The following FCRL5 variants were observed in gnomAD, a reference collection of about 807,000 sequenced individuals.
The protein encoded by FCRL5 is Fc receptor-like protein 5.
FCRL5 carries 79 observed loss-of-function variants against 92.1 expected under a neutral mutation model. The ratio of observed to expected loss-of-function variants is 0.86; its 90% CI spans 0.72 to 1.03. The LOEUF is 1.03. FCRL5 is among the 50% of genes least tolerant of loss of function. The pLI, the probability that FCRL5 is intolerant of heterozygous loss-of-function variation, is 0.00. For missense variants in FCRL5, 1,160 were observed against 1,181.1 expected (o/e 0.98, Z 0.26); for synonymous variants, 466 against 469.3 (o/e 0.99, Z 0.09).
chr1:157,516,910 C>T (rs1249974489), intron 15 of FCRL5, among the ~76,000 whole-genome samples: 2 of 152,170 alleles, frequency 1.3e-5, no homozygotes, highest in Non-Finnish European at 2.9e-5. Flanking sequence ...GTAGTAACAG[C>T]GCATACCTCA....
intron 6 of FCRL5, chr1:157,542,556 T>C (rs1397936783): frequency 2.8e-6 from 1 of 361,548 alleles, no homozygotes; most frequent in African/African-American, 2.0e-5. Context: ...TGAAAATCAG[T>C]CATCTGGGGA....
At chr1:157,520,947 T>G in intron 11 of FCRL5, 70 bp downstream of exon 11, 7 of 1,516,962 alleles carry the variant, frequency 4.6e-6, no homozygotes, top group Non-Finnish European at 6.2e-6. Flanking sequence ...TCAAGCACTG[T>G]GAGGGTTATC....
intron 10 of FCRL5, chr1:157,522,060 C>G (rs1346154094): frequency 6.6e-6 from 1 of 152,108 alleles, no homozygotes; most frequent in Non-Finnish European, 1.5e-5. Flanking sequence ...TTAAAAAATG[C>G]AACTGGCATA....
chr1:157,540,555 A>C (rs1385492152), intron 6 of FCRL5, among the ~76,000 whole-genome samples: 1 of 152,038 alleles, frequency 6.6e-6, no homozygotes, highest in Non-Finnish European at 1.5e-5. Flanking sequence ...AGACAATAGA[A>C]AAACAACCCT....
At chr1:157,549,619 T>C (rs780611853) in intron 1 of FCRL5, 39 bp from the exon 2 acceptor site, 1 of 1,596,432 alleles carries the variant, frequency 6.3e-7, no homozygotes, top group Non-Finnish European at 8.5e-7. Context: ...CACAGAACCA[T>C]GATTATTTTG....
At chr1:157,539,479 TG>T (rs1651146217) in intron 6 of FCRL5, 115 bp from the exon 7 acceptor site, 1 of 980,956 alleles carries the variant, frequency 1.0e-6, no homozygotes. Context: ...AAAGTCAAGC[TG>T]GGAACTATTT....
chr1:157,514,355 C>A lies in FCRL5; in HGVS notation c.*1320G>T. ...ACCCTTTTCATGGGAAAGTGTGAGGCCTGAGGTGGGGAAACAAAGATAGTG... is the reference window on the plus strand; with the variant it reads ...ACCCTTTTCATGGGAAAGTGTGAGGACTGAGGTGGGGAAACAAAGATAGTG... On this transcript the variant is annotated 3_prime_UTR_variant, in exon 17 of 17. Transcript: ENST00000361835. 6.6e-6 allele frequency: 1 copy of A among 152,298 alleles called. No homozygotes were observed. Among genetic ancestry groups the A allele is most frequent in the Non-Finnish European group, 1.5e-5 (1 of 68,032 alleles). 9.4% of individuals were successfully genotyped at this position (152,298 alleles called of 1,614,324 possible).
chr1:157,540,332 C>T (rs1232356588), intron 6 of FCRL5, among the ~76,000 whole-genome samples: 2 of 152,254 alleles, frequency 1.3e-5, no homozygotes, highest in African/African-American at 2.4e-5. Context: ...AGCAGAACCA[C>T]ACCCTTACCT....
At chr1:157,546,822 A>G in intron 3 of FCRL5, 121 bp downstream of exon 3, 1 of 1,242,598 alleles carries the variant, frequency 8.0e-7, no homozygotes, top group Non-Finnish European at 1.1e-6. Context: ...TCCTTGTCTT[A>G]CCACAGTGTG....
chr1:157,517,314 G>T (rs898207989), intron 15 of FCRL5, among the ~76,000 whole-genome samples: 1 of 152,170 alleles, frequency 6.6e-6, no homozygotes, highest in Non-Finnish European at 1.5e-5. Context: ...CCATGAAACA[G>T]CATGGTAGCT....
At chr1:157,526,452 A>T (rs538696710) in intron 9 of FCRL5, among the ~76,000 whole-genome samples, 2 of 152,268 alleles carry the variant, frequency 1.3e-5, no homozygotes, top group East Asian at 3.9e-4. Context: ...TGGGACCAAG[A>T]GAGGGTTTTC....
At chr1:157,515,793 C>A (rs200299144) in intron 16 of FCRL5, 29 bp from the exon 17 acceptor site, 1 of 1,613,680 alleles carries the variant, frequency 6.2e-7, no homozygotes, top group South Asian at 1.1e-5. Flanking sequence ...TGCGTGAGGA[C>A]CAGGGTGGGC....
At chr1:157,535,657 G>T (rs1650935624) in intron 7 of FCRL5, among the ~76,000 whole-genome samples, 1 of 152,098 alleles carries the variant, frequency 6.6e-6, no homozygotes, top group African/African-American at 2.4e-5. Flanking sequence ...AAAGATATTT[G>T]TTATAATGAG....
At chr1:157,540,136 C>T (rs1651186826) in intron 6 of FCRL5, among the ~76,000 whole-genome samples, 1 of 152,342 alleles carries the variant, frequency 6.6e-6, no homozygotes, top group South Asian at 2.1e-4. Context: ...TACCCACCTG[C>T]AGGGTGACCC....
At chr1:157,525,600 G>T (rs185619790) in intron 9 of FCRL5, among the ~76,000 whole-genome samples, 2 of 152,302 alleles carry the variant, frequency 1.3e-5, no homozygotes, top group East Asian at 3.9e-4. Flanking sequence ...ATGGACTGTG[G>T]TGGAATGGAA....
In FCRL5 at chr1:157,515,515, G is replaced by A; in HGVS notation, c.*160C>T. The stretch of plus-strand genomic sequence containing the variant: ...TGGGAAACAGGTGACAGTCCAGCAG[G>A]GCCCTGCATTCTGGTCAGACTGAGA... On this transcript the variant is annotated 3_prime_UTR_variant, in exon 17 of 17. Transcript: ENST00000361835. 2 of 1,493,236 alleles carry A rather than the reference G, an allele frequency of 1.3e-6. No homozygotes were observed. Among genetic ancestry groups the A allele is most frequent in the Non-Finnish European group, 9.2e-7 (1 of 1,089,464 alleles). The allele number at this position is 1,493,236 out of a possible 1,614,324, so 92.5% of individuals were successfully genotyped here. A position where few individuals can be genotyped will look rare whatever the true frequency, so the allele number is the denominator to read the frequency against.
Position 157,515,547 on chromosome 1 carries a change from A to G in FCRL5, c.*128T>C. ...CATTCTGGTCAGACTGAGAATGAGG[A>G]CATGTGAAACAAAGGCCAGTAGATA... On this transcript the variant is annotated 3_prime_UTR_variant, in exon 17 of 17. Coordinates refer to ENST00000361835, the MANE Select transcript of FCRL5 (RefSeq NM_031281.3). 3.8e-6 allele frequency: 6 copies of G among 1,591,678 alleles called. No individual in the cohort carries two copies. Among genetic ancestry groups the G allele is most frequent in the Non-Finnish European group, 5.2e-6 (6 of 1,163,254 alleles).
At chr1:157,532,285 C>T (rs1248158236) in intron 8 of FCRL5, 1 of 151,980 alleles carries the variant, frequency 6.6e-6, no homozygotes, top group Non-Finnish European at 1.5e-5. Flanking sequence ...CACTTGTTCT[C>T]TCCTATGTGA....
intron 9 of FCRL5, among the ~76,000 whole-genome samples, 177 bp from the exon 10 acceptor site, chr1:157,524,734 A>G (rs2101604921): frequency 6.6e-6 from 1 of 152,360 alleles, no homozygotes; most frequent in South Asian, 2.1e-4. Context: ...AGTGCTATAA[A>G]CAGCTTGGAA....
Sources: gnomAD v4.1 joint callset for allele counts (sites outside exome capture counted in the v4.1 genomes callset) on GRCh38, gnomAD v4.1.1 for gene constraint, MANE v1.5 for transcripts, NCBI Gene and HGNC (gene_info 2026-07-23, HGNC 2026-07-21) for gene names.